CDH1: variants seen among roughly 807,000 people sequenced by gnomAD.
CDH1 encodes cadherin 1.
CDH1 carries 35 observed loss-of-function variants against 84.5 expected under a neutral mutation model. That is an observed-to-expected ratio of 0.41 (90% CI 0.32 to 0.55). CDH1 has a LOEUF of 0.55. Ranked by LOEUF, CDH1 falls within the 20% of genes least tolerant of loss-of-function variation. CDH1 has a pLI of 0.19. For synonymous variants in CDH1, 417 were observed against 439.0 expected, an observed-to-expected ratio of 0.95 and a Z score of 0.63; for missense variants, 994 against 1,126.6, an observed-to-expected ratio of 0.88 and a Z score of 1.68.
chr16:68,807,524 A>T (rs1301518281), intron 3 of CDH1, among the ~76,000 whole-genome samples: 2 of 151,960 alleles, frequency 1.3e-5, no homozygotes, highest in Admixed American at 6.6e-5. Context: ...TAAAAAATTT[A>T]AAAAATTAGG....
intron 2 of CDH1, among the ~76,000 whole-genome samples, chr16:68,767,009 G>A (rs1959410426): frequency 6.6e-6 from 1 of 152,064 alleles, no homozygotes; most frequent in Non-Finnish European, 1.5e-5. Context: ...TTACAGGTGT[G>A]AGCCACTGCG....
Position 68,803,324 on chromosome 16 carries a change from C to G in CDH1, c.387+1431C>G, listed in dbSNP as rs8043916. 9.4e-3 allele frequency among the ~76,000 whole-genome samples: 1,434 copies of G among 152,274 alleles called. 27 individuals are homozygous for G. Among genetic ancestry groups the G allele is most frequent in the African/African-American group, 0.032 (1,346 of 41,544 alleles). ...ACTCAAAGTCTCCAAGGGTCCCCAT[C>G]ATTCATGTGAAAAAAACTCAGCACA... On this transcript the variant is annotated intron_variant, in intron 3 of 15. Transcript: ENST00000261769.
At chr16:68,746,288 G>A (rs1470301609) in intron 2 of CDH1, among the ~76,000 whole-genome samples, 2 of 152,190 alleles carry the variant, frequency 1.3e-5, no homozygotes, top group Non-Finnish European at 2.9e-5. Context: ...AGCTGGGCGT[G>A]GTGGCATGCT....
intron 2 of CDH1, among the ~76,000 whole-genome samples, chr16:68,751,828 G>T (rs1276244475): frequency 6.6e-6 from 1 of 151,950 alleles, no homozygotes; most frequent in Non-Finnish European, 1.5e-5. Context: ...TTGAGACAGA[G>T]TCTTGCTCTG....
At chr16:68,759,335 C>T (rs1027140798) in intron 2 of CDH1, among the ~76,000 whole-genome samples, 2 of 152,086 alleles carry the variant, frequency 1.3e-5, no homozygotes, top group Non-Finnish European at 1.5e-5. Context: ...CCCATCTCTA[C>T]CAATAATAAT....
At chr16:68,812,610 C>T (rs991324886) in intron 8 of CDH1, among the ~76,000 whole-genome samples, 4 of 152,306 alleles carry the variant, frequency 2.6e-5, no homozygotes, top group South Asian at 2.1e-4. Flanking sequence ...ACTGGAGAGA[C>T]CATCACACAC....
At chr16:68,796,374 C>G (rs1469740903) in intron 2 of CDH1, among the ~76,000 whole-genome samples, 3 of 152,050 alleles carry the variant, frequency 2.0e-5, no homozygotes, top group Non-Finnish European at 2.9e-5. Flanking sequence ...CATAGCTGGC[C>G]CTGTCCTTAA....
intron 2 of CDH1, among the ~76,000 whole-genome samples, chr16:68,797,344 C>G (rs1960390200): frequency 2.0e-5 from 3 of 152,144 alleles, no homozygotes; most frequent in South Asian, 4.1e-4. Context: ...AGCGTTTGTG[C>G]CACTGCACTT....
chr16:68,831,246 T>C (rs1961477731), intron 15 of CDH1, among the ~76,000 whole-genome samples: 1 of 150,368 alleles, frequency 6.7e-6, no homozygotes, highest in Non-Finnish European at 1.5e-5. Context: ...GCCTGGCTTT[T>C]TTTTTTTTTT....
intron 2 of CDH1, among the ~76,000 whole-genome samples, chr16:68,753,169 C>T (rs1170472588): frequency 2.1e-5 from 3 of 145,448 alleles, no homozygotes; most frequent in Non-Finnish European, 3.0e-5. Flanking sequence ...GCTGAGATCG[C>T]GCCACTGCAC....
chr16:68,781,826 GA>G (rs1384344062), intron 2 of CDH1, among the ~76,000 whole-genome samples: 1 of 152,096 alleles, frequency 6.6e-6, no homozygotes, highest in Non-Finnish European at 1.5e-5. Flanking sequence ...GACTGTTGAA[GA>G]CCACAGAGCC....
In CDH1 at chr16:68,745,549, A is replaced by AAT. The variant is rs1555510456; in HGVS notation, c.163+7151_163+7152dup. On this transcript the variant is annotated intron_variant, in intron 2 of 15. Coordinates refer to ENST00000261769, the MANE Select transcript of CDH1 (RefSeq NM_004360.5). ...ATCCTGTCTCAAAAAAAAAAAAAAA[A>AAT]ATATATATATATATGTATATATATA... 7.2e-4 allele frequency among the ~76,000 whole-genome samples: 54 copies of AAT among 75,180 alleles called. 1 individual carries two copies. The highest frequency in any genetic ancestry group is 8.3e-4 in the African/African-American group (15 of 18,084). The allele number at this position is 75,180 out of a possible 152,430, so 49.3% of individuals were successfully genotyped here. A position where few individuals can be genotyped will look rare whatever the true frequency, so the allele number is the denominator to read the frequency against.
intron 2 of CDH1, among the ~76,000 whole-genome samples, chr16:68,750,203 C>T (rs1198566075): frequency 6.4e-5 from 6 of 93,394 alleles, no homozygotes; most frequent in Non-Finnish European, 1.1e-4. Flanking sequence ...TGGGCAGTTT[C>T]AGCCGGTTTC....
chr16:68,811,390 C>T (rs1050070758), intron 6 of CDH1, among the ~76,000 whole-genome samples: 1 of 135,634 alleles, frequency 7.4e-6, no homozygotes, highest in African/African-American at 3.1e-5. Flanking sequence ...GAGCAAAACT[C>T]CGTCTCAAAA....
In CDH1 at chr16:68,764,129, G is replaced by A. The variant is rs113533607; in HGVS notation, c.163+25718G>A. Among the ~76,000 whole-genome samples the A allele has an allele frequency of 5.3e-4, 81 of 152,326 alleles. No homozygotes were observed. In the Middle Eastern group the frequency reaches 0.01, roughly 19 times the overall value. ...GATGATTATTGGTTGGGTTTGGTGG[G>A]GGATGGGCTATGAAGCTACCCGAAG... On this transcript the variant is annotated intron_variant, in intron 2 of 15. Transcript: ENST00000261769.
At chr16:68,813,679 T>A in intron 9 of CDH1, 184 bp downstream of exon 9, 1 of 743,732 alleles carries the variant, frequency 1.3e-6, no homozygotes, top group East Asian at 2.5e-5. Context: ...ATCAAGAAAC[T>A]GTGCTGTGTG....
intron 2 of CDH1, among the ~76,000 whole-genome samples, chr16:68,786,534 C>CTTT (rs3074434): frequency 5.4e-5 from 4 of 73,914 alleles, no homozygotes; most frequent in African/African-American, 2.4e-4. Flanking sequence ...TTTTTTTTTT[C>CTTT]TTTTTTTTTT....
At chr16:68,825,861 G>A (rs894367548) in intron 13 of CDH1, among the ~76,000 whole-genome samples, 19 of 143,926 alleles carry the variant, frequency 1.3e-4, no homozygotes, top group Non-Finnish European at 2.7e-4. Context: ...CCCGGCTGGA[G>A]TGCAGTGGAG....
intron 2 of CDH1, among the ~76,000 whole-genome samples, chr16:68,745,377 C>CA (rs879649913): frequency 1.3e-5 from 2 of 149,800 alleles, no homozygotes; most frequent in Middle Eastern, 3.4e-3. Context: ...GTACTAGCAT[C>CA]AAAAAAATGC....
Sources: allele counts gnomAD v4.1 joint callset (sites outside exome capture counted in the v4.1 genomes callset), GRCh38; gene constraint gnomAD v4.1.1; transcripts MANE v1.5; gene names NCBI Gene and HGNC (gene_info 2026-07-23, HGNC 2026-07-21).